Variants in CACNG4 observed in about 807,000 individuals in gnomAD.
CACNG4 encodes voltage-dependent calcium channel gamma-4 subunit.
A neutral mutation model predicts 22.9 loss-of-function variants in CACNG4; 8 were observed. The ratio of observed to expected loss-of-function variants is 0.35; its 90% CI spans 0.21 to 0.63. The LOEUF is 0.63. Ranked by LOEUF, CACNG4 falls within the 30% of genes least tolerant of loss-of-function variation. The pLI is 0.72. For synonymous variants in CACNG4, 188 were observed against 191.9 expected (o/e 0.98, Z 0.17); for missense variants, 357 against 455.4 (o/e 0.78, Z 1.97).
At position 66,977,270 on chromosome 17, in the gene CACNG4, A is replaced by G. The variant is rs768504905; in HGVS notation, c.220+12139A>G. On this transcript the variant is annotated intron_variant, in intron 1 of 3. Transcript: ENST00000262138. ...TGGTGAGAACACATCCCTCTGTGATAAAGTCAGGCTCATTCCCTGATACCT... is the reference window on the plus strand; with the variant it reads ...TGGTGAGAACACATCCCTCTGTGATGAAGTCAGGCTCATTCCCTGATACCT... Among the ~76,000 whole-genome samples, 108 of 152,310 alleles carry G rather than the reference A, an allele frequency of 7.1e-4. 2 individuals carry two copies. Among genetic ancestry groups the G allele is most frequent in the African/African-American group, 4.3e-4 (18 of 41,574 alleles).
intron 1 of CACNG4, among the ~76,000 whole-genome samples, chr17:67,009,606 C>T (rs1260059171): frequency 1.3e-5 from 2 of 152,172 alleles, no homozygotes; most frequent in African/African-American, 4.8e-5. Context: ...TAACAAAATA[C>T]TATAAATTGG....
intron 3 of CACNG4, among the ~76,000 whole-genome samples, chr17:67,029,499 T>A (rs2035588187): frequency 6.6e-6 from 1 of 151,440 alleles, no homozygotes; most frequent in African/African-American, 2.4e-5. Context: ...CTGGGTGTGG[T>A]GGCGGGCGCC....
chr17:66,983,575 G>A (rs966872567), intron 1 of CACNG4, among the ~76,000 whole-genome samples: 2 of 152,134 alleles, frequency 1.3e-5, no homozygotes, highest in African/African-American at 2.4e-5. Flanking sequence ...CCAGAACAAC[G>A]CACGATGCCA....
chr17:66,969,426 G>A (rs1567748339), intron 1 of CACNG4, among the ~76,000 whole-genome samples: 1 of 152,332 alleles, frequency 6.6e-6, no homozygotes, highest in East Asian at 1.9e-4. Flanking sequence ...TTGATGCCAG[G>A]GGTGGCCCCC....
chr17:66,977,506 C>T (rs2035245261), intron 1 of CACNG4, among the ~76,000 whole-genome samples: 2 of 152,192 alleles, frequency 1.3e-5, no homozygotes, highest in African/African-American at 2.4e-5. Flanking sequence ...TGGACAGACT[C>T]CTTAGCTTCT....
chr17:67,029,948 C>G (rs1301443947), intron 3 of CACNG4, among the ~76,000 whole-genome samples: 1 of 152,232 alleles, frequency 6.6e-6, no homozygotes, highest in Non-Finnish European at 1.5e-5. Context: ...TCCAAGGCAA[C>G]CTTGTCACAG....
intron 1 of CACNG4, among the ~76,000 whole-genome samples, chr17:66,989,301 C>T (rs1442750013): frequency 3.3e-5 from 5 of 150,762 alleles, no homozygotes; most frequent in African/African-American, 1.2e-4. Context: ...AATAGGCCTT[C>T]GTTTAATAGA....
intron 2 of CACNG4, among the ~76,000 whole-genome samples, chr17:67,023,043 G>A (rs1161020226): frequency 1.3e-5 from 2 of 152,158 alleles, no homozygotes; most frequent in East Asian, 1.9e-4. Context: ...TTTCTCTGAA[G>A]GCTCTAGGAG....
At chr17:67,000,415 T>TTG (rs76288078) in intron 1 of CACNG4, among the ~76,000 whole-genome samples, 1,445 of 131,468 alleles carry the variant, frequency 0.011, 15 homozygotes, top group African/African-American at 0.048. Flanking sequence ...TTATTTACTG[T>TTG]TTTTTTTTTT....
chr17:67,012,964 T>C (rs1231513347), intron 1 of CACNG4, among the ~76,000 whole-genome samples: 1 of 152,214 alleles, frequency 6.6e-6, no homozygotes, highest in East Asian at 1.9e-4. Flanking sequence ...ATGAGCACCA[T>C]CAGCAAGTTG....
intron 3 of CACNG4, among the ~76,000 whole-genome samples, chr17:67,028,299 A>T (rs1009294478): frequency 6.6e-6 from 1 of 152,198 alleles, no homozygotes; most frequent in African/African-American, 2.4e-5. Context: ...CACGCCTGTA[A>T]TCCCAGCACT....
rs568230220 is a variant in CACNG4, at chr17:67,032,783, C to T, written c.*1779C>T. On this transcript the variant is annotated 3_prime_UTR_variant, in exon 4 of 4. Transcript: ENST00000262138. ...AGCAGCGGATGCTGAAGCACCAGAG[C>T]TCAAGGCCTTCACCTGCTCTAGGCC... is the stretch of plus-strand genomic sequence containing the variant. 6.7e-4 allele frequency: 102 copies of T among 153,052 alleles called. No homozygotes were observed. Among genetic ancestry groups the T allele is most frequent in the African/African-American group, 2.4e-3 (99 of 41,598 alleles). 9.5% of individuals were successfully genotyped at this position (153,052 alleles called of 1,614,324 possible).
chr17:67,006,267 G>T (rs567741344), intron 1 of CACNG4, among the ~76,000 whole-genome samples: 1 of 152,200 alleles, frequency 6.6e-6, no homozygotes, highest in Non-Finnish European at 1.5e-5. Flanking sequence ...TAGCAGCCAG[G>T]CTGGGGACAG....
chr17:67,025,542 G>A (rs922773281), intron 3 of CACNG4, among the ~76,000 whole-genome samples: 3 of 152,242 alleles, frequency 2.0e-5, no homozygotes, highest in Non-Finnish European at 4.4e-5. Flanking sequence ...TGGGAAGAGT[G>A]AGCGGGGAAG....
chr17:67,004,205 A>T (rs2035424208), intron 1 of CACNG4, among the ~76,000 whole-genome samples: 1 of 152,262 alleles, frequency 6.6e-6, no homozygotes, highest in South Asian at 2.1e-4. Context: ...GTTATCCAGT[A>T]GATGCAAGGA....
chr17:66,988,519 C>T (rs1295726173), intron 1 of CACNG4, among the ~76,000 whole-genome samples: 4 of 152,192 alleles, frequency 2.6e-5, no homozygotes, highest in African/African-American at 4.8e-5. Flanking sequence ...TGGCCTCCTG[C>T]AGGGCCTCCC....
At chr17:66,995,850 G>GA (rs11393480) in intron 1 of CACNG4, among the ~76,000 whole-genome samples, 21,335 of 149,978 alleles carry the variant, frequency 0.14, 3,322 homozygotes, top group African/African-American at 0.39. Context: ...ACTCCATCTT[G>GA]AAAAAAAAAT....
intron 1 of CACNG4, among the ~76,000 whole-genome samples, chr17:67,013,093 A>C (rs2035477486): frequency 6.6e-6 from 1 of 151,600 alleles, no homozygotes; most frequent in Admixed American, 6.6e-5. Context: ...GTTTGCCTGG[A>C]CTCTTCCAAT....
intron 1 of CACNG4, among the ~76,000 whole-genome samples, chr17:67,007,317 G>A (rs1223023312): frequency 6.6e-6 from 1 of 152,196 alleles, no homozygotes; most frequent in East Asian, 1.9e-4. Flanking sequence ...TTTGCCCAAA[G>A]AAACTTCCCA....
Sources: gnomAD v4.1 joint callset for allele counts (sites outside exome capture counted in the v4.1 genomes callset) on GRCh38, gnomAD v4.1.1 for gene constraint, MANE v1.5 for transcripts, NCBI Gene and HGNC (gene_info 2026-07-23, HGNC 2026-07-21) for gene names.